DDX31: variants seen among roughly 807,000 people sequenced by gnomAD.
DDX31 encodes the protein ATP-dependent DNA helicase DDX31.
A neutral mutation model predicts 91.3 loss-of-function variants in DDX31; 70 were observed. That is an observed-to-expected ratio of 0.77 (90% CI 0.63 to 0.94). DDX31 has a LOEUF of 0.94. Ranked by LOEUF, DDX31 falls within the 40% of genes least tolerant of loss-of-function variation. The pLI is 0.00. For synonymous variants in DDX31, 362 were observed against 350.6 expected, an observed-to-expected ratio of 1.03 and a Z score of -0.36; for missense variants, 902 against 925.0, an observed-to-expected ratio of 0.98 and a Z score of 0.32.
intron 19 of DDX31, among the ~76,000 whole-genome samples, chr9:132,596,369 T>G (rs1830432786): frequency 6.6e-6 from 1 of 152,210 alleles, no homozygotes. Context: ...TGGTGTTTTC[T>G]ATTGCAACAT....
At chr9:132,668,490 C>G (rs937093184) in intron 1 of DDX31, among the ~76,000 whole-genome samples, 1 of 152,008 alleles carries the variant, frequency 6.6e-6, no homozygotes, top group Non-Finnish European at 1.5e-5. Flanking sequence ...TTATTCTGAG[C>G]CAAGTATGAG....
rs939811036 is a variant in DDX31, at chr9:132,594,032, T to G, written c.*834A>C. ...CAATGCAGGGGCAGGGCGGGGTGGG[T>G]CGGGGGCGGGGGGCGGGCAGCTGTG... On this transcript the variant is annotated 3_prime_UTR_variant, in exon 20 of 20. Coordinates refer to ENST00000372159, the MANE Select transcript of DDX31 (RefSeq NM_022779.9). 173 of 11,994 alleles carry G rather than the reference T, an allele frequency of 0.014. No homozygotes were observed. The highest frequency in any genetic ancestry group is 0.055 in the African/African-American group (171 of 3,092). The allele number at this position is 11,994 out of a possible 1,614,324, so 0.7% of individuals were successfully genotyped here.
At position 132,648,537 on chromosome 9, in the gene DDX31, A is replaced by C; in HGVS notation, c.755T>G (p.Ile252Arg). The C allele has an allele frequency of 6.2e-7, 1 of 1,612,058 alleles. No homozygotes were observed. Residue 252 changes from isoleucine (I) to arginine (R), a missense_variant, in exon 10 of 20, where the codon ATA (isoleucine) becomes AGA (arginine). By Grantham distance (97) the Ile-to-Arg change is moderately conservative. Coordinates refer to ENST00000372159, the MANE Select transcript of DDX31 (RefSeq NM_022779.9). Reference protein sequence around the residue: ...KSEKARLRKGINILISTPGRL... With the variant: ...KSEKARLRKGRNILISTPGRL... Reference sequence around the variant, plus strand: ...TCCAGGAGTTGAGATAAGGATATTTATTCCTTTGCGGAGTCTGTTTAAAAT... The same window carrying C: ...TCCAGGAGTTGAGATAAGGATATTTCTTCCTTTGCGGAGTCTGTTTAAAAT...
At chr9:132,609,177 G>A (rs879805267) in intron 19 of DDX31, among the ~76,000 whole-genome samples, 16 of 152,066 alleles carry the variant, frequency 1.1e-4, no homozygotes, top group East Asian at 1.9e-4. Flanking sequence ...TGTCACGGGC[G>A]GAGTAATCCT....
intron 16 of DDX31, among the ~76,000 whole-genome samples, chr9:132,627,754 G>A (rs888547813): frequency 1.3e-5 from 2 of 152,134 alleles, no homozygotes; most frequent in Admixed American, 1.3e-4. Flanking sequence ...CTGCTAGGGC[G>A]AGCACCGCAG....
At chr9:132,628,250 G>C (rs1350710257) in intron 16 of DDX31, among the ~76,000 whole-genome samples, 4 of 152,210 alleles carry the variant, frequency 2.6e-5, no homozygotes, top group South Asian at 4.1e-4. Flanking sequence ...CGCCAGTGAA[G>C]TGGGGCTCAT....
chr9:132,649,373 T>C (rs1190217227), intron 9 of DDX31, among the ~76,000 whole-genome samples: 5 of 152,208 alleles, frequency 3.3e-5, no homozygotes, highest in Admixed American at 6.5e-5. Flanking sequence ...AGCATCTCTG[T>C]ACCCGCTGGC....
At chr9:132,637,583 C>T (rs1211019257) in intron 14 of DDX31, among the ~76,000 whole-genome samples, 1 of 152,224 alleles carries the variant, frequency 6.6e-6, no homozygotes, top group East Asian at 1.9e-4. Flanking sequence ...CTGACGCCTT[C>T]CCGGCCTGCC....
At chr9:132,644,341 C>T (rs1032913202) in intron 13 of DDX31, among the ~76,000 whole-genome samples, 2 of 152,204 alleles carry the variant, frequency 1.3e-5, no homozygotes, top group Admixed American at 1.3e-4. Context: ...TGAGCACTTC[C>T]TGTGTGCTAG....
chr9:132,617,567 T>C (rs1450474883), intron 18 of DDX31, among the ~76,000 whole-genome samples: 1 of 152,230 alleles, frequency 6.6e-6, no homozygotes, highest in Non-Finnish European at 1.5e-5. Context: ...TGTTCCGATA[T>C]TGGTAAGCCA....
intron 6 of DDX31, among the ~76,000 whole-genome samples, chr9:132,655,701 T>C (rs900693843): frequency 3.9e-5 from 6 of 152,116 alleles, no homozygotes; most frequent in African/African-American, 1.4e-4. Flanking sequence ...ACCAAAGTAA[T>C]CCGAAAAAGG....
At position 132,593,172 on chromosome 9, in the gene DDX31, G is replaced by T. The variant is rs1409848697; in HGVS notation, c.*1694C>A. On this transcript the variant is annotated 3_prime_UTR_variant, in exon 20 of 20. Coordinates refer to ENST00000372159, the MANE Select transcript of DDX31 (RefSeq NM_022779.9). ...CCATAAGAGTTAGCAGATTAAGTGT[G>T]TAAGTTTTGATCTTGGAATTATCGT... 6.6e-6 allele frequency: 1 copy of T among 152,208 alleles called. No homozygotes were observed. The highest frequency in any genetic ancestry group is 1.5e-5 in the Non-Finnish European group (1 of 68,048). The allele number at this position is 152,208 out of a possible 1,614,324, so 9.4% of individuals were successfully genotyped here. A position where few individuals can be genotyped will look rare whatever the true frequency, so the allele number is the denominator to read the frequency against.
chr9:132,650,959 T>C (rs1251158949), intron 8 of DDX31, 116 bp downstream of exon 8: 14 of 1,079,432 alleles, frequency 1.3e-5, no homozygotes, highest in Non-Finnish European at 1.8e-5. Context: ...AGCAGAGATA[T>C]CCAGGCAAAA....
chr9:132,595,252 A>C lies in DDX31; in HGVS notation c.1995-140T>G. ...ACAGAAGTACAATCCCTTCAATAGT[A>C]CTTGTTTTGATATTCGATGCACCAG... is the stretch of plus-strand genomic sequence containing the variant. On this transcript the variant is annotated intron_variant, in intron 19 of 19. Coordinates refer to ENST00000372159, the MANE Select transcript of DDX31 (RefSeq NM_022779.9). This position sits in a 1 kb window ranked among gnomAD's most constrained non-coding sequence, Gnocchi z 4.6. 9.6e-7 allele frequency: 1 copy of C among 1,045,430 alleles called. No homozygotes were observed. The highest frequency in any genetic ancestry group is 1.3e-6 in the Non-Finnish European group (1 of 741,134). The allele number at this position is 1,045,430 out of a possible 1,614,324, so 64.8% of individuals were successfully genotyped here. A position where few individuals can be genotyped will look rare whatever the true frequency, so the allele number is the denominator to read the frequency against.
intron 18 of DDX31, among the ~76,000 whole-genome samples, chr9:132,613,247 T>C (rs1397600966): frequency 1.3e-5 from 2 of 152,188 alleles, no homozygotes; most frequent in Non-Finnish European, 2.9e-5. Context: ...ATACAGAGCT[T>C]CTTGCTCAAA....
intron 3 of DDX31, 29 bp downstream of exon 3, chr9:132,662,232 T>C: frequency 1.9e-6 from 3 of 1,612,624 alleles, no homozygotes; most frequent in East Asian, 2.2e-5. Context: ...CAAAAAAAAC[T>C]GACCCAGAAA....
intron 13 of DDX31, 52 bp from the exon 14 acceptor site, chr9:132,642,115 A>G (rs1390137605): frequency 6.5e-7 from 1 of 1,542,580 alleles, no homozygotes; most frequent in Non-Finnish European, 9.0e-7. Context: ...AAACTCCAGC[A>G]AGGTAGGCTT....
At chr9:132,650,134 G>A (rs1834090595) in intron 9 of DDX31, 100 bp downstream of exon 9, 1 of 1,185,550 alleles carries the variant, frequency 8.4e-7, no homozygotes, top group African/African-American at 1.5e-5. Context: ...AGCAGAGCCT[G>A]AGACAAAGCT....
chr9:132,664,731 A>AAC (rs1554773624), intron 1 of DDX31, among the ~76,000 whole-genome samples: 4 of 151,468 alleles, frequency 2.6e-5, no homozygotes, highest in Non-Finnish European at 4.4e-5. Flanking sequence ...AAAAAAAAAA[A>AAC]AAAAAACTGT....
Sources: allele counts gnomAD v4.1 joint callset (sites outside exome capture counted in the v4.1 genomes callset), GRCh38; gene constraint gnomAD v4.1.1; non-coding constraint Gnocchi (gnomAD v3.1); transcripts MANE v1.5; gene names NCBI Gene and HGNC (gene_info 2026-07-23, HGNC 2026-07-21).